The following PDE10A variants were observed in gnomAD, a reference collection of about 807,000 sequenced individuals.
The protein encoded by PDE10A is phosphodiesterase 10A.
A neutral mutation model predicts 97.7 loss-of-function variants in PDE10A; 39 were observed. The observed-to-expected ratio is 0.40, with a 90% CI of 0.31 to 0.52. PDE10A has a LOEUF of 0.52. Among genes scored for constraint, PDE10A ranks in the 20% least tolerant of loss-of-function variants. The pLI, the probability that PDE10A is intolerant of heterozygous loss-of-function variation, is 0.56. For synonymous variants in PDE10A, 371 were observed against 376.8 expected (o/e 0.98, Z 0.18); for missense variants, 731 against 1,047.8 (o/e 0.70, Z 4.17).
intron 2 of PDE10A, among the ~76,000 whole-genome samples, chr6:165,534,613 T>C (rs764769372): frequency 2.0e-5 from 3 of 152,090 alleles, no homozygotes; most frequent in Non-Finnish European, 4.4e-5. Flanking sequence ...TTAAGCGGGA[T>C]TCATATCTAA....
At position 165,330,702 on chromosome 6, in the gene PDE10A, G is replaced by A. The variant is rs1337066245; in HGVS notation, c.*2323C>T. On this transcript the variant is annotated 3_prime_UTR_variant, in exon 22 of 22. Coordinates refer to ENST00000539869, the MANE Select transcript of PDE10A (RefSeq NM_001385079.1). ...GAATTTTCTGTAATAACCTAAAAAT[G>A]TAAATGTAGCCATGAGATTCCTAAC... 2 of 152,250 alleles carry A rather than the reference G, an allele frequency of 1.3e-5. No individual in the cohort carries two copies. Among genetic ancestry groups the A allele is most frequent in the East Asian group, 1.9e-4 (1 of 5,184 alleles). The allele number at this position is 152,250 out of a possible 1,614,324, so 9.4% of individuals were successfully genotyped here.
intron 1 of PDE10A, among the ~76,000 whole-genome samples, chr6:165,561,540 CG>C (rs1180017692): frequency 2.6e-5 from 4 of 152,110 alleles, no homozygotes; most frequent in Admixed American, 6.6e-5. Flanking sequence ...ATAACAAAAA[CG>C]TAACATTTAT....
intron 13 of PDE10A, among the ~76,000 whole-genome samples, chr6:165,400,578 T>A (rs1786575100): frequency 6.6e-6 from 1 of 152,128 alleles, no homozygotes; most frequent in Non-Finnish European, 1.5e-5. Flanking sequence ...AGATGACAAA[T>A]GTAGAAGAAC....
At chr6:165,409,164 CAAAAAAAAAA>C (rs61455081) in intron 13 of PDE10A, among the ~76,000 whole-genome samples, 1 of 108,138 alleles carries the variant, frequency 9.2e-6, no homozygotes. Context: ...GACTCCATCT[CAAAAAAAAAA>C]AAAAAAAAGA....
chr6:165,720,016 G>T (rs1352221692), intron 1 of PDE10A, among the ~76,000 whole-genome samples: 1 of 152,212 alleles, frequency 6.6e-6, no homozygotes, highest in East Asian at 1.9e-4. Flanking sequence ...ACTGCTGCGA[G>T]AATTTGGTTC....
chr6:165,642,932 C>T (rs117849355), intron 1 of PDE10A, among the ~76,000 whole-genome samples: 1,951 of 152,080 alleles, frequency 0.013, 128 homozygotes, highest in Admixed American at 0.12. Flanking sequence ...GGCAAATATG[C>T]CTCATACATA....
In PDE10A at chr6:165,567,993, C is replaced by CCTTTTTTTTT. The variant is rs370865492; in HGVS notation, c.866-24426_866-24425insAAAAAAAAAG. On this transcript the variant is annotated intron_variant, in intron 1 of 21. Transcript: ENST00000539869. The stretch of plus-strand genomic sequence containing the variant: ...AGCACACAATAGGTACGCAACAAGG[C>CCTTTTTTTTT]ATTTTTTTTTTTTTTTTTTTTTTGA... 1.6e-4 allele frequency among the ~76,000 whole-genome samples: 19 copies of CCTTTTTTTTT among 115,602 alleles called. 4 individuals are homozygous for CCTTTTTTTTT. The highest frequency in any genetic ancestry group is 1.9e-4 in the African/African-American group (6 of 31,254). 75.8% of individuals were successfully genotyped at this position (115,602 alleles called of 152,430 possible). A position where few individuals can be genotyped will look rare whatever the true frequency, so the allele number is the denominator to read the frequency against.
intron 1 of PDE10A, among the ~76,000 whole-genome samples, chr6:165,721,584 G>A (rs532332779): frequency 6.6e-6 from 1 of 152,180 alleles, no homozygotes; most frequent in African/African-American, 2.4e-5. Context: ...AAAGGCAATT[G>A]AATCCAGATG....
At chr6:165,718,689 T>A (rs1792088617) in intron 1 of PDE10A, among the ~76,000 whole-genome samples, 1 of 151,318 alleles carries the variant, frequency 6.6e-6, no homozygotes, top group Admixed American at 6.6e-5. Context: ...CTGGAGAAGC[T>A]GAACTGTACA....
intron 1 of PDE10A, among the ~76,000 whole-genome samples, chr6:165,843,205 G>C (rs1003241623): frequency 6.6e-6 from 1 of 152,206 alleles, no homozygotes; most frequent in African/African-American, 2.4e-5. Context: ...GAGTGCAAAG[G>C]ACTGCACAGC....
intron 1 of PDE10A, among the ~76,000 whole-genome samples, chr6:165,644,762 G>A (rs998169807): frequency 6.6e-6 from 1 of 152,220 alleles, no homozygotes; most frequent in Non-Finnish European, 1.5e-5. Context: ...TGGAAGGCCA[G>A]ATGGCACGTG....
chr6:165,399,171 A>C (rs1313779575), intron 13 of PDE10A, among the ~76,000 whole-genome samples: 1 of 152,332 alleles, frequency 6.6e-6, no homozygotes, highest in East Asian at 1.9e-4. Context: ...TTTGGTATAC[A>C]TGAAGCAAAC....
chr6:165,975,612 C>G (rs1290823175), intron 1 of PDE10A, among the ~76,000 whole-genome samples: 2 of 152,184 alleles, frequency 1.3e-5, no homozygotes, highest in Non-Finnish European at 2.9e-5. Flanking sequence ...TGGGGAGAGG[C>G]AGACAATAAA....
chr6:165,926,881 T>G (rs561689287), intron 1 of PDE10A, among the ~76,000 whole-genome samples: 1 of 152,342 alleles, frequency 6.6e-6, no homozygotes, highest in African/African-American at 2.4e-5. Flanking sequence ...TTTCTATAGA[T>G]TTTGCAGTTG....
intron 1 of PDE10A, among the ~76,000 whole-genome samples, chr6:165,560,868 C>T (rs1784487302): frequency 6.6e-6 from 1 of 152,078 alleles, no homozygotes; most frequent in African/African-American, 2.4e-5. Context: ...AATCGTTTAG[C>T]ACCATCCTCC....
At chr6:165,927,072 T>G in intron 1 of PDE10A, among the ~76,000 whole-genome samples, 1 of 123,564 alleles carries the variant, frequency 8.1e-6, no homozygotes, top group Non-Finnish European at 1.7e-5. Flanking sequence ...CACTGGGGCC[T>G]GTTGGGGGGT....
At chr6:165,539,411 C>T (rs993624278) in intron 2 of PDE10A, among the ~76,000 whole-genome samples, 1 of 152,214 alleles carries the variant, frequency 6.6e-6, no homozygotes, top group Admixed American at 6.5e-5. Context: ...CGTAATCGCG[C>T]CTCTTTCTCT....
chr6:165,563,765 C>T (rs939753273), intron 1 of PDE10A, among the ~76,000 whole-genome samples: 1 of 151,966 alleles, frequency 6.6e-6, no homozygotes, highest in Non-Finnish European at 1.5e-5. Flanking sequence ...GTGGTGTGTA[C>T]CTGTGATCCC....
At chr6:165,463,828 G>A (rs1778474196) in intron 3 of PDE10A, among the ~76,000 whole-genome samples, 1 of 152,198 alleles carries the variant, frequency 6.6e-6, no homozygotes, top group African/African-American at 2.4e-5. Flanking sequence ...GCCCGCCCAG[G>A]GCGGAAAACC....
Sources: gnomAD v4.1 joint callset for allele counts (sites outside exome capture counted in the v4.1 genomes callset) on GRCh38, gnomAD v4.1.1 for gene constraint, MANE v1.5 for transcripts, NCBI Gene and HGNC (gene_info 2026-07-23, HGNC 2026-07-21) for gene names.